The following FAM204A variants were observed in gnomAD, a reference collection of about 807,000 sequenced individuals.
The protein encoded by FAM204A is protein FAM204A.
Under a neutral mutation model 35.4 loss-of-function variants are expected in FAM204A, and 16 were observed. The ratio of observed to expected loss-of-function variants is 0.45; its 90% CI spans 0.31 to 0.69. FAM204A has a LOEUF of 0.69. Ranked by LOEUF, FAM204A falls within the 30% of genes least tolerant of loss-of-function variation. The probability of loss-of-function intolerance (pLI) is 0.07; values close to 1 mark genes in which losing one functional copy is unlikely to be tolerated. For missense variants in FAM204A, 240 were observed against 265.7 expected, an observed-to-expected ratio of 0.90 and a Z score of 0.67; for synonymous variants, 76 against 86.9, an observed-to-expected ratio of 0.88 and a Z score of 0.70.
intron 7 of FAM204A, among the ~76,000 whole-genome samples, chr10:118,317,197 C>G (rs1261388586): frequency 6.6e-6 from 1 of 152,044 alleles, no homozygotes; most frequent in African/African-American, 2.4e-5. Flanking sequence ...AAATGGCAAT[C>G]ATGAAGAAAG....
intron 7 of FAM204A, chr10:118,322,371 G>C (rs996462959): frequency 2.2e-6 from 1 of 456,236 alleles, no homozygotes; most frequent in Admixed American, 2.4e-5. Context: ...TCTCTGGATC[G>C]CTGACACTGA....
intron 2 of FAM204A, among the ~76,000 whole-genome samples, chr10:118,339,219 G>A (rs1347119175): frequency 2.6e-5 from 4 of 152,178 alleles, no homozygotes; most frequent in Admixed American, 6.5e-5. Flanking sequence ...GCCACTTACT[G>A]TGCAGCCTGC....
Position 118,335,154 on chromosome 10 carries a change from T to C in FAM204A, c.413A>G (p.Asp138Gly), listed in dbSNP as rs773380867. The C allele has an allele frequency of 5.6e-6, 9 of 1,613,502 alleles. No homozygotes were observed. The South Asian group carries it at 7.7e-5, about 14-fold the overall frequency. Residue 138 changes from aspartate to glycine, a missense_variant, in exon 6 of 9, where the codon GAT (aspartate) becomes GGT (glycine). Asp to Gly is a moderately conservative substitution (Grantham distance 94). Transcript: ENST00000369183. ...KELTQYFGVN[D>G]RFDPPVKRKK... ...CCTTTTAACAGGCGGGTCAAATCTA[T>C]CATTGACTCCAAAATACTGAGTAAG...
At chr10:118,318,650 G>A (rs1279152502) in intron 7 of FAM204A, among the ~76,000 whole-genome samples, 2 of 151,958 alleles carry the variant, frequency 1.3e-5, no homozygotes, top group Non-Finnish European at 2.9e-5. Context: ...CCTCAGAAAC[G>A]TGGCTGTCAA....
rs559211508 is a variant in FAM204A at position 118,323,968 on chromosome 10, T to A, written c.543+2186A>T. Among the ~76,000 whole-genome samples, 12 of 152,212 alleles carry A rather than the reference T, an allele frequency of 7.9e-5. No homozygotes were observed. The South Asian group carries it at 2.5e-3, about 32-fold the overall frequency. ...AAGATGATTTTCGGCACAGAGCTCT[T>A]CATAGGGAGAAGAACTCCTAGTTTA... is the stretch of plus-strand genomic sequence containing the variant. On this transcript the variant is annotated intron_variant, in intron 7 of 8. Coordinates refer to ENST00000369183, the MANE Select transcript of FAM204A (RefSeq NM_022063.3).
chr10:118,338,550 C>A (rs2133295721), intron 2 of FAM204A, among the ~76,000 whole-genome samples: 1 of 152,216 alleles, frequency 6.6e-6, no homozygotes, highest in South Asian at 2.1e-4. Context: ...ATTTTACATG[C>A]CCACTTATGT....
intron 7 of FAM204A, among the ~76,000 whole-genome samples, chr10:118,319,142 ACTT>A (rs1197288293): frequency 6.6e-6 from 1 of 152,020 alleles, no homozygotes; most frequent in East Asian, 1.9e-4. Flanking sequence ...AGAAAGGACT[ACTT>A]CTCAGATGTT....
rs1035302730 is a variant in FAM204A, at chr10:118,341,728, G to A, written c.-10C>T. ...CGATTCCGCTGTGAGAATACTTACA[G>A]GGTCCAAGATTGCAAGAGGATGGGT... On this transcript the variant is annotated splice_region_variant and 5_prime_UTR_variant, in exon 2 of 9. Transcript: ENST00000369183. 5 of 152,140 alleles carry A rather than the reference G, an allele frequency of 3.3e-5. No individual in the cohort carries two copies. The highest frequency in any genetic ancestry group is 1.2e-4 in the African/African-American group (5 of 41,438). 9.4% of individuals were successfully genotyped at this position (152,140 alleles called of 1,614,324 possible). A position where few individuals can be genotyped will look rare whatever the true frequency, so the allele number is the denominator to read the frequency against.
intron 7 of FAM204A, among the ~76,000 whole-genome samples, chr10:118,316,913 A>G (rs569665572): frequency 1.3e-5 from 2 of 152,202 alleles, no homozygotes; most frequent in East Asian, 3.9e-4. Flanking sequence ...TCCTGGATAC[A>G]GACGTTTATA....
At position 118,305,267 on chromosome 10, in the gene FAM204A, T is replaced by C. The variant is rs144874165; in HGVS notation, c.*5590A>G. 5 of 152,170 alleles carry C rather than the reference T, an allele frequency of 3.3e-5. No individual in the cohort carries two copies. The highest frequency in any genetic ancestry group is 6.5e-5 in the Admixed American group (1 of 15,280). The allele number at this position is 152,170 out of a possible 1,614,324, so 9.4% of individuals were successfully genotyped here. A position where few individuals can be genotyped will look rare whatever the true frequency, so the allele number is the denominator to read the frequency against. ...AGTCATTATATTTTGGGGGGCATAT[T>C]TGTAGTAGTAGGAAGCATTACCCTA... On this transcript the variant is annotated 3_prime_UTR_variant, in exon 9 of 9. Coordinates refer to ENST00000369183, the MANE Select transcript of FAM204A (RefSeq NM_022063.3).
chr10:118,339,103 G>A (rs1015932880), intron 2 of FAM204A, among the ~76,000 whole-genome samples: 1 of 152,158 alleles, frequency 6.6e-6, no homozygotes, highest in Non-Finnish European at 1.5e-5. Context: ...GGTAGGTTTT[G>A]AATTCCACTC....
chr10:118,337,710 C>T (rs1846410836), intron 2 of FAM204A, among the ~76,000 whole-genome samples: 1 of 152,094 alleles, frequency 6.6e-6, no homozygotes, highest in African/African-American at 2.4e-5. Flanking sequence ...ATCTCTGACC[C>T]TCAATTTCTT....
intron 7 of FAM204A, among the ~76,000 whole-genome samples, chr10:118,315,589 C>T (rs1438907292): frequency 1.3e-5 from 2 of 152,100 alleles, no homozygotes; most frequent in Non-Finnish European, 2.9e-5. Flanking sequence ...TGAAGTAAAG[C>T]GGAACCATTA....
rs1423641883 is a variant in FAM204A, at chr10:118,300,116, T to G, written c.*10741A>C. ...GGCTGGACACCCTAGAATGGAAGTG[T>G]TTAAGCAGGGTCCTCTAGAAGGAAA... On this transcript the variant is annotated 3_prime_UTR_variant, in exon 9 of 9. Coordinates refer to ENST00000369183, the MANE Select transcript of FAM204A (RefSeq NM_022063.3). 1.3e-5 allele frequency: 2 copies of G among 152,078 alleles called. No individual in the cohort carries two copies. Among genetic ancestry groups the G allele is most frequent in the Non-Finnish European group, 2.9e-5 (2 of 68,028 alleles). 9.4% of individuals were successfully genotyped at this position (152,078 alleles called of 1,614,324 possible). A position where few individuals can be genotyped will look rare whatever the true frequency, so the allele number is the denominator to read the frequency against.
At chr10:118,337,074 T>C (rs993361888) in intron 2 of FAM204A, among the ~76,000 whole-genome samples, 1 of 152,194 alleles carries the variant, frequency 6.6e-6, no homozygotes, top group Non-Finnish European at 1.5e-5. Flanking sequence ...AAAGTAACAA[T>C]ACTATATTTG....
intron 6 of FAM204A, among the ~76,000 whole-genome samples, chr10:118,330,530 T>G (rs549093811): frequency 5.3e-5 from 8 of 152,268 alleles, no homozygotes; most frequent in East Asian, 3.9e-4. Context: ...TCAAAGATAA[T>G]AAGAAGACTG....
intron 8 of FAM204A, 75 bp downstream of exon 8, chr10:118,311,132 C>G (rs1299563362): frequency 1.5e-6 from 2 of 1,369,224 alleles, no homozygotes; most frequent in Non-Finnish European, 2.0e-6. Flanking sequence ...TATACACGAA[C>G]TAGATCACAA....
chr10:118,337,916 T>C (rs2133294995), intron 2 of FAM204A, among the ~76,000 whole-genome samples: 1 of 152,302 alleles, frequency 6.6e-6, no homozygotes, highest in Middle Eastern at 3.4e-3. Context: ...TAAGATAGTT[T>C]TGAAGTTTCT....
In FAM204A at chr10:118,335,024, G is replaced by GA. The variant is rs892575481; in HGVS notation, c.453+89dup. ...GTATGCAGTAGGCATCTTTTTAACT[G>GA]AATGAATTAATGAGGACAAGTACTT... is the stretch of plus-strand genomic sequence containing the variant. On this transcript the variant is annotated intron_variant, in intron 6 of 8. Coordinates refer to ENST00000369183, the MANE Select transcript of FAM204A (RefSeq NM_022063.3). The GA allele has an allele frequency of 8.9e-6, 8 of 900,726 alleles. No individual in the cohort carries two copies. In the Admixed American group the frequency reaches 1.4e-4, roughly 15 times the overall value. The allele number at this position is 900,726 out of a possible 1,614,324, so 55.8% of individuals were successfully genotyped here.
Sources: allele counts gnomAD v4.1 joint callset (sites outside exome capture counted in the v4.1 genomes callset), GRCh38; gene constraint gnomAD v4.1.1; transcripts MANE v1.5; gene names NCBI Gene and HGNC (gene_info 2026-07-23, HGNC 2026-07-21).